Variants in MDM4 observed in about 807,000 individuals in gnomAD.
MDM4 encodes MDM4 regulator of p53, also known as protein Mdm4.
In MDM4, 2 loss-of-function variants were observed where a neutral mutation model predicts 60.2. That is an observed-to-expected ratio of 0.03 (90% CI 0.01 to 0.10). MDM4 has a LOEUF of 0.10. Ranked by LOEUF, MDM4 falls within the 10% of genes least tolerant of loss-of-function variation. The pLI is 1.00. For synonymous variants in MDM4, 202 were observed against 198.1 expected (o/e 1.02, Z -0.17); for missense variants, 447 against 577.5 (o/e 0.77, Z 2.32).
rs146822981 is a variant in MDM4 at position 204,534,359 on chromosome 1, A to G, written c.343+2113A>G. ...TGGAGGATTTTATAATTGCTGATCT[A>G]CTTTTTCATTAAAATTTGTTTTTGG... On this transcript the variant is annotated intron_variant, in intron 5 of 10. Transcript: ENST00000367182. 5.1e-3 allele frequency among the ~76,000 whole-genome samples: 773 copies of G among 152,324 alleles called. 6 individuals are homozygous for G. The highest frequency in any genetic ancestry group is 0.018 in the African/African-American group (730 of 41,572).
In MDM4 at chr1:204,544,671, T is replaced by G; in HGVS notation, c.809T>G (p.Val270Gly). Residue 270 changes from valine (V) to glycine (G), a missense_variant, in exon 9 of 11, where the codon GTA becomes GGA. Physicochemically the swap from Val to Gly is moderately radical, Grantham distance 109. This residue lies in a region of MDM4 where 184 missense variants were observed against 179.3 expected (regional missense o/e 1.03). Coordinates refer to ENST00000367182, the MANE Select transcript of MDM4 (RefSeq NM_002393.5). ...TEQTSEEVGK[V>G]SDKKVIEVGK... ...CAAACAAGTGAAGAAGTAGGGAAAG[T>G]AAGTGACAAAAAGGTATGTTGTGGA... 1 of 1,612,186 alleles carries G rather than the reference T, an allele frequency of 6.2e-7. No individual in the cohort carries two copies. Among genetic ancestry groups the G allele is most frequent in the Non-Finnish European group, 8.5e-7 (1 of 1,178,720 alleles).
At chr1:204,536,423 T>G (rs1661435506) in intron 5 of MDM4, among the ~76,000 whole-genome samples, 1 of 152,240 alleles carries the variant, frequency 6.6e-6, no homozygotes, top group Non-Finnish European at 1.5e-5. Context: ...ATGTTTGCTT[T>G]TTTCAATAGA....
At chr1:204,531,162 AG>A (rs1324046503) in intron 4 of MDM4, among the ~76,000 whole-genome samples, 2 of 152,226 alleles carry the variant, frequency 1.3e-5, no homozygotes, top group African/African-American at 4.8e-5. Flanking sequence ...CTTTTGAGGA[AG>A]TGAAATTTCA....
At chr1:204,548,770 AAAG>A (rs1662912395) in intron 10 of MDM4, among the ~76,000 whole-genome samples, 1 of 152,240 alleles carries the variant, frequency 6.6e-6, no homozygotes, top group Non-Finnish European at 1.5e-5. Flanking sequence ...CTTGCCCGAT[AAAG>A]GAGTAAGTTG....
intron 10 of MDM4, 120 bp from the exon 11 acceptor site, chr1:204,548,993 G>C (rs1179448143): frequency 2.9e-6 from 2 of 678,346 alleles, no homozygotes; most frequent in Non-Finnish European, 5.1e-6. Context: ...TCAAATCCTA[G>C]GCTAGATCAC....
At position 204,549,423 on chromosome 1, in the gene MDM4, A is replaced by G. The variant is rs1662994568; in HGVS notation, c.1214A>G (p.Glu405Gly). 5 of 1,613,120 alleles carry G rather than the reference A, an allele frequency of 3.1e-6. No homozygotes were observed. The highest frequency in any genetic ancestry group is 2.2e-5 in the East Asian group (1 of 44,894). Residue 405 changes from glutamate (E) to glycine (G), a missense_variant, in exon 11 of 11, where the codon GAG becomes GGG. Physicochemically the swap from Glu to Gly is moderately conservative, Grantham distance 98 (BLOSUM62 -2). Around this residue, in one of 8 missense-constraint regions of MDM4, gnomAD observed 117 missense variants for 114.5 expected, o/e 1.02. Coordinates refer to ENST00000367182, the MANE Select transcript of MDM4 (RefSeq NM_002393.5). ...LDLAHSSESQ[E>G]TISSMGEQLD... ...TTGGCTCACAGTTCTGAAAGCCAAGAGACCATCTCAAGCATGGGAGAACAG... is the reference window on the plus strand; with the variant it reads ...TTGGCTCACAGTTCTGAAAGCCAAGGGACCATCTCAAGCATGGGAGAACAG...
intron 9 of MDM4, 106 bp downstream of exon 9, chr1:204,544,790 C>A (rs1016775011): frequency 2.0e-6 from 2 of 997,970 alleles, no homozygotes; most frequent in East Asian, 5.4e-5. Context: ...ACATAATCCC[C>A]TTTTTAACTT....
In MDM4 at chr1:204,526,380, T is replaced by A. The variant is rs2102321500; in HGVS notation, c.99T>A (p.Leu33=). The change falls in exon 3 of 11, where the codon CTT becomes CTA. Residue 33 remains leucine (L), a synonymous_variant. Transcript: ENST00000367182. The part of the protein sequence containing the change: ...QINQVRPKLP[L]LKILHAAGAQ... Reference sequence around the variant, plus strand: ...ATCAGGTACGACCAAAACTGCCGCTTTTGAAGATTTTGCATGCAGCAGGTG... The same window carrying A: ...ATCAGGTACGACCAAAACTGCCGCTATTGAAGATTTTGCATGCAGCAGGTG... The A allele has an allele frequency of 6.2e-7, 1 of 1,614,110 alleles. No individual in the cohort carries two copies.
intron 5 of MDM4, chr1:204,536,825 G>T: frequency 4.5e-6 from 1 of 221,480 alleles, no homozygotes; most frequent in Non-Finnish European, 9.1e-6. Flanking sequence ...AATGTTTATA[G>T]TAACTGGGAA....
chr1:204,548,141 G>A (rs1662850686), intron 10 of MDM4, among the ~76,000 whole-genome samples: 2 of 152,198 alleles, frequency 1.3e-5, no homozygotes, highest in Non-Finnish European at 2.9e-5. Context: ...ATTATTTTAT[G>A]TCCTACTAAG....
At position 204,549,652 on chromosome 1, in the gene MDM4, T is replaced by A; in HGVS notation, c.1443T>A (p.Ile481=). The change falls in exon 11 of 11, where the codon ATT becomes ATA. Residue 481 remains isoleucine (I), a synonymous_variant. Coordinates refer to ENST00000367182, the MANE Select transcript of MDM4 (RefSeq NM_002393.5). ...GASCPICKKE[I]QLVIKVFIA ...CATGCCCTATTTGCAAGAAAGAGATTCAGCTGGTTATTAAGGTTTTTATAG... is the reference window on the plus strand; with the variant it reads ...CATGCCCTATTTGCAAGAAAGAGATACAGCTGGTTATTAAGGTTTTTATAG... 6.3e-7 allele frequency: 1 copy of A among 1,575,516 alleles called. No homozygotes were observed. The highest frequency in any genetic ancestry group is 1.2e-5 in the South Asian group (1 of 84,946).
chr1:204,528,984 C>T, intron 3 of MDM4: 2 of 1,537,866 alleles, frequency 1.3e-6, no homozygotes, highest in Non-Finnish European at 1.8e-6. Flanking sequence ...ATCAAGCTGT[C>T]TGGCAGGATT....
intron 7 of MDM4, among the ~76,000 whole-genome samples, chr1:204,540,607 AC>A (rs984633311): frequency 2.0e-5 from 3 of 151,568 alleles, no homozygotes; most frequent in African/African-American, 7.3e-5. Context: ...TATTAAAAAT[AC>A]AAAAATTAGC....
At position 204,549,881 on chromosome 1, in the gene MDM4, AT is replaced by A. The variant is rs1204181084; in HGVS notation, c.*201del. 6 of 463,084 alleles carry A rather than the reference AT, an allele frequency of 1.3e-5. No individual in the cohort carries two copies. Among genetic ancestry groups the A allele is most frequent in the Middle Eastern group, 5.7e-4 (1 of 1,752 alleles). The allele number at this position is 463,084 out of a possible 1,614,324, so 28.7% of individuals were successfully genotyped here. On this transcript the variant is annotated 3_prime_UTR_variant, in exon 11 of 11. Coordinates refer to ENST00000367182, the MANE Select transcript of MDM4 (RefSeq NM_002393.5). ...TTAGTCAAATTATTAAGTGCCATGG[AT>A]TACTTTATGCAGCAGTCAGGTACAT...
chr1:204,519,885 GAA>G (rs1659385173), intron 1 of MDM4, among the ~76,000 whole-genome samples: 1 of 152,116 alleles, frequency 6.6e-6, no homozygotes, highest in African/African-American at 2.4e-5. Flanking sequence ...ATAAATAACA[GAA>G]CGGATACAAC....
chr1:204,523,953 G>T (rs1421535879), intron 1 of MDM4, among the ~76,000 whole-genome samples: 3 of 152,088 alleles, frequency 2.0e-5, no homozygotes, highest in Non-Finnish European at 4.4e-5. Flanking sequence ...TTTAAAGAGA[G>T]CAGGGGTATG....
intron 9 of MDM4, among the ~76,000 whole-genome samples, chr1:204,545,068 AT>A (rs1157926010): frequency 6.6e-6 from 1 of 151,778 alleles, no homozygotes; most frequent in Admixed American, 6.6e-5. Context: ...TTTTCTTGCG[AT>A]TTTTTTTCTC....
intron 6 of MDM4, chr1:204,537,938 AG>A: frequency 1.4e-6 from 1 of 712,504 alleles, no homozygotes; most frequent in Non-Finnish European, 2.7e-6. Flanking sequence ...AGTAGACTGG[AG>A]GGTTTATACA....
chr1:204,521,888 T>C (rs1659604873), intron 1 of MDM4, among the ~76,000 whole-genome samples: 1 of 152,074 alleles, frequency 6.6e-6, no homozygotes, highest in South Asian at 2.1e-4. Context: ...TTTTGGTTGG[T>C]AAAAAGGTTG....
Sources: allele counts gnomAD v4.1 joint callset (sites outside exome capture counted in the v4.1 genomes callset), GRCh38; gene constraint gnomAD v4.1.1; regional missense constraint gnomAD v4.1.1; transcripts MANE v1.5; gene names NCBI Gene and HGNC (gene_info 2026-07-23, HGNC 2026-07-21).